DENND1A: variants seen among roughly 807,000 people sequenced by gnomAD.
The protein encoded by DENND1A is DENN domain-containing protein 1A.
DENND1A carries 51 observed loss-of-function variants against 113.7 expected under a neutral mutation model. The observed-to-expected ratio is 0.45, with a 90% confidence interval of 0.36 to 0.57. DENND1A has a LOEUF of 0.57. DENND1A is among the 20% of genes least tolerant of loss of function. The pLI is 0.00. For synonymous variants in DENND1A, 565 were observed against 570.8 expected, an observed-to-expected ratio of 0.99 and a Z score of 0.14; for missense variants, 1,258 against 1,395.9, an observed-to-expected ratio of 0.90 and a Z score of 1.57.
intron 5 of DENND1A, among the ~76,000 whole-genome samples, chr9:123,719,626 G>T (rs1253438725): frequency 6.6e-6 from 1 of 151,274 alleles, no homozygotes; most frequent in African/African-American, 2.4e-5. Context: ...AGTGTTAAAG[G>T]TTTTCAGATT....
intron 12 of DENND1A, among the ~76,000 whole-genome samples, chr9:123,568,314 G>T (rs2058166360): frequency 6.6e-6 from 1 of 152,086 alleles, no homozygotes; most frequent in African/African-American, 2.4e-5. Context: ...TATAAAAAGG[G>T]GATAAAGTAC....
chr9:123,678,185 GCAAA>G (rs1589633068), intron 5 of DENND1A, among the ~76,000 whole-genome samples: 1 of 152,186 alleles, frequency 6.6e-6, no homozygotes, highest in African/African-American at 2.4e-5. Flanking sequence ...CAGACCACAT[GCAAA>G]CAGAGAGGAA....
chr9:123,649,128 T>C (rs1158694315), intron 9 of DENND1A, among the ~76,000 whole-genome samples: 3 of 152,356 alleles, frequency 2.0e-5, no homozygotes, highest in South Asian at 2.1e-4. Context: ...TCAGGTACTA[T>C]GTAAAACCCT....
intron 2 of DENND1A, among the ~76,000 whole-genome samples, chr9:123,806,829 G>C (rs143946179): frequency 6.6e-6 from 1 of 152,150 alleles, no homozygotes; most frequent in African/African-American, 2.4e-5. Context: ...AAGGAATAAA[G>C]GGAGTAATAC....
At chr9:123,439,317 A>G (rs1279249000) in intron 19 of DENND1A, among the ~76,000 whole-genome samples, 1 of 152,276 alleles carries the variant, frequency 6.6e-6, no homozygotes, top group Non-Finnish European at 1.5e-5. Context: ...ATAAACATAT[A>G]TTATCTGAAA....
intron 18 of DENND1A, among the ~76,000 whole-genome samples, chr9:123,448,367 C>T (rs1278744247): frequency 1.3e-5 from 2 of 152,160 alleles, no homozygotes; most frequent in African/African-American, 2.4e-5. Context: ...CTTGCACATA[C>T]AAGTAGGGAG....
chr9:123,629,374 T>C (rs2061379948), intron 10 of DENND1A, among the ~76,000 whole-genome samples: 1 of 152,200 alleles, frequency 6.6e-6, no homozygotes, highest in African/African-American at 2.4e-5. Context: ...TTTAACTGCA[T>C]TACACTAGAG....
At chr9:123,391,354 G>C (rs111831950) in intron 21 of DENND1A, among the ~76,000 whole-genome samples, 5 of 152,330 alleles carry the variant, frequency 3.3e-5, no homozygotes, top group African/African-American at 1.2e-4. Flanking sequence ...CCACATGGAT[G>C]GCGATACTTA....
At chr9:123,911,491 T>C (rs1853953807) in intron 1 of DENND1A, among the ~76,000 whole-genome samples, 1 of 152,292 alleles carries the variant, frequency 6.6e-6, no homozygotes, top group East Asian at 1.9e-4. Context: ...ACTTTATTCA[T>C]AATAGCCAAA....
intron 13 of DENND1A, among the ~76,000 whole-genome samples, chr9:123,514,853 G>T (rs149840298): frequency 2.6e-4 from 39 of 152,304 alleles, no homozygotes; most frequent in African/African-American, 7.9e-4. Context: ...CTGGTGCCTA[G>T]ATCTTGGTTT....
chr9:123,611,401 A>G (rs1006087530), intron 10 of DENND1A, among the ~76,000 whole-genome samples: 1 of 152,240 alleles, frequency 6.6e-6, no homozygotes, highest in Non-Finnish European at 1.5e-5. Context: ...AAGTAGCTTC[A>G]GGAACACGAC....
At chr9:123,728,479 C>CAAAAAAAAAA (rs60761810) in intron 5 of DENND1A, among the ~76,000 whole-genome samples, 324 of 25,200 alleles carry the variant, frequency 0.013, 84 homozygotes, top group African/African-American at 0.028. Flanking sequence ...CTCTGTCTCC[C>CAAAAAAAAAA]AAAAAAAAAA....
chr9:123,435,439 C>G lies in DENND1A; in HGVS notation c.1488+4921G>C, dbSNP rs114701674. Among the ~76,000 whole-genome samples, 1,290 of 152,304 alleles carry G rather than the reference C, an allele frequency of 8.5e-3. 14 individuals carry two copies. Among genetic ancestry groups the G allele is most frequent in the African/African-American group, 0.03 (1,231 of 41,570 alleles). ...CCTCCCTGCCACAGTTCTCTGGAAGCCACGGTGGTGCTTGGTTTTGGTTTT... is the reference window on the plus strand; with the variant it reads ...CCTCCCTGCCACAGTTCTCTGGAAGGCACGGTGGTGCTTGGTTTTGGTTTT... On this transcript the variant is annotated intron_variant, in intron 19 of 23. Coordinates refer to ENST00000394215, the MANE Select transcript of DENND1A (RefSeq NM_001352964.2).
chr9:123,850,288 C>A (rs1011944059), intron 2 of DENND1A, among the ~76,000 whole-genome samples: 1 of 152,192 alleles, frequency 6.6e-6, no homozygotes, highest in South Asian at 2.1e-4. Flanking sequence ...TCAGCAGCCA[C>A]CATCCTGACC....
At chr9:123,805,080 T>C (rs2132308927) in intron 2 of DENND1A, among the ~76,000 whole-genome samples, 1 of 152,226 alleles carries the variant, frequency 6.6e-6, no homozygotes, top group African/African-American at 2.4e-5. Flanking sequence ...CACAATTCAC[T>C]CTGTCTGATA....
chr9:123,597,663 C>T (rs2059756392), intron 11 of DENND1A, among the ~76,000 whole-genome samples: 1 of 152,088 alleles, frequency 6.6e-6, no homozygotes, highest in Admixed American at 6.5e-5. Flanking sequence ...GAAAGTGCAC[C>T]CCTCCTCCTA....
At chr9:123,413,611 G>A in intron 19 of DENND1A, 1 of 985,514 alleles carries the variant, frequency 1.0e-6, no homozygotes, top group Admixed American at 6.1e-5. Flanking sequence ...CTTGGTGGAG[G>A]GTTCCCTGGC....
intron 13 of DENND1A, among the ~76,000 whole-genome samples, chr9:123,534,197 T>C (rs1184702827): frequency 6.6e-6 from 1 of 152,226 alleles, no homozygotes; most frequent in Non-Finnish European, 1.5e-5. Flanking sequence ...GTTTTTCCAC[T>C]GCCTCCTCTT....
intron 1 of DENND1A, among the ~76,000 whole-genome samples, chr9:123,882,020 C>G (rs1464473085): frequency 6.6e-6 from 1 of 152,166 alleles, no homozygotes; most frequent in Non-Finnish European, 1.5e-5. Context: ...TCCTACCTCA[C>G]TGGCTACTCC....
Sources: allele counts gnomAD v4.1 joint callset (sites outside exome capture counted in the v4.1 genomes callset), GRCh38; gene constraint gnomAD v4.1.1; transcripts MANE v1.5; gene names NCBI Gene and HGNC (gene_info 2026-07-23, HGNC 2026-07-21).